The following CHD1L variants were observed in gnomAD, a reference collection of about 807,000 sequenced individuals.
The protein encoded by CHD1L is ATP-dependent chromatin remodeler CHD1L.
CHD1L carries 118 observed loss-of-function variants against 115.9 expected under a neutral mutation model. That is an observed-to-expected ratio of 1.02 (90% CI 0.88 to 1.19). CHD1L has a LOEUF of 1.19. CHD1L is among the 50% of genes most tolerant of loss of function. CHD1L has a pLI of 0.00. For missense variants in CHD1L, 1,179 were observed against 1,065.3 expected, an observed-to-expected ratio of 1.11 and a Z score of -1.49; for synonymous variants, 411 against 387.1, an observed-to-expected ratio of 1.06 and a Z score of -0.72.
At chr1:147,247,708 A>G (rs1553934441) in intron 1 of CHD1L, among the ~76,000 whole-genome samples, 1 of 152,166 alleles carries the variant, frequency 6.6e-6, no homozygotes, top group Non-Finnish European at 1.5e-5. Context: ...CTTGAAAACA[A>G]TGTGTATTCT....
At chr1:147,265,573 G>C (rs1673563482) in intron 7 of CHD1L, among the ~76,000 whole-genome samples, 1 of 152,140 alleles carries the variant, frequency 6.6e-6, no homozygotes, top group South Asian at 2.1e-4. Context: ...CCTAATTTCT[G>C]AGCCTCACTT....
At chr1:147,201,418 T>C in the CHD1L span, 1 of 1,614,160 alleles carries the variant, frequency 6.2e-7, no homozygotes. Flanking sequence ...CTCCGTGAAT[T>C]CCTTCACATT....
At chr1:147,271,930 G>A (rs1676402448) in intron 11 of CHD1L, among the ~76,000 whole-genome samples, 1 of 152,184 alleles carries the variant, frequency 6.6e-6, no homozygotes, top group South Asian at 2.1e-4. Context: ...CTTCATAAGT[G>A]CCAAAGACTT....
Position 147,242,743 on chromosome 1 carries a change from C to T in CHD1L, c.40C>T (p.Pro14Ser). The T allele has an allele frequency of 5.5e-6, 7 of 1,262,814 alleles. No homozygotes were observed. The highest frequency in any genetic ancestry group is 7.0e-6 in the Non-Finnish European group (7 of 997,560). 78.2% of individuals were successfully genotyped at this position (1,262,814 alleles called of 1,614,324 possible). ...AGATSRGGQA[P>S]GFLLRLHTEG... Reference sequence around the variant, plus strand: ...CGCTACTAGCCGCGGGGGCCAAGCCCCTGGCTTCTTACTGCGGCTTCATAC... The same window carrying T: ...CGCTACTAGCCGCGGGGGCCAAGCCTCTGGCTTCTTACTGCGGCTTCATAC... The change falls in exon 1 of 23, where the codon CCT (proline) becomes TCT (serine). Residue 14 changes from proline to serine, a missense_variant. Physicochemically the swap from Pro to Ser is moderately conservative, Grantham distance 74. Coordinates refer to ENST00000369258, the MANE Select transcript of CHD1L (RefSeq NM_004284.6).
In CHD1L at chr1:147,276,140, T is replaced by G; in HGVS notation, c.1422T>G (p.Thr474=). 1 of 1,614,150 alleles carries G rather than the reference T, an allele frequency of 6.2e-7. No homozygotes were observed. Among genetic ancestry groups the G allele is most frequent in the Non-Finnish European group, 8.5e-7 (1 of 1,180,006 alleles). ...VKVIRLIGRD[T]VEEIVYRKAA... ...TTATTCGGCTGATTGGTCGAGACAC[T>G]GTGGAAGAAATAGTCTATAGGAAAG... Residue 474 remains threonine (T), a synonymous_variant, in exon 14 of 23, where the codon ACT becomes ACG. Transcript: ENST00000369258.
chr1:147,237,411 C>T, the CHD1L span, among the ~76,000 whole-genome samples: 5 of 152,094 alleles, frequency 3.3e-5, no homozygotes, highest in Non-Finnish European at 7.4e-5. Context: ...ATGACTCAGG[C>T]AGCTGCAGCT....
intron 18 of CHD1L, 103 bp from the exon 19 acceptor site, chr1:147,287,532 A>G (rs1294711487): frequency 4.7e-5 from 36 of 757,930 alleles, no homozygotes; most frequent in Non-Finnish European, 6.8e-5. Context: ...CTTCCCTTTG[A>G]AAAATCATTC....
At chr1:147,259,806 C>T (rs1553942643) in intron 5 of CHD1L, 31 bp from the exon 6 acceptor site, 1 of 1,579,908 alleles carries the variant, frequency 6.3e-7, no homozygotes. Context: ...TTAAATTACA[C>T]AAAACTGAAA....
In CHD1L at chr1:147,242,768, C is replaced by A; in HGVS notation, c.65C>A (p.Thr22Asn). The A allele has an allele frequency of 1.6e-6, 2 of 1,269,538 alleles. No homozygotes were observed. The highest frequency in any genetic ancestry group is 2.0e-6 in the Non-Finnish European group (2 of 1,000,480). 78.6% of individuals were successfully genotyped at this position (1,269,538 alleles called of 1,614,324 possible). Residue 22 changes from threonine (T) to asparagine (N), a missense_variant, in exon 1 of 23, where the codon ACT becomes AAT. By Grantham distance (65) the Thr-to-Asn change is moderately conservative. Coordinates refer to ENST00000369258, the MANE Select transcript of CHD1L (RefSeq NM_004284.6). Reference protein sequence around the residue: ...QAPGFLLRLHTEGRAEAARVQ... With the variant: ...QAPGFLLRLHNEGRAEAARVQ... ...CCTGGCTTCTTACTGCGGCTTCATA[C>A]TGAGGGCCGAGCCGAGGCGGCGCGG...
chr1:147,232,952 G>C, the CHD1L span, among the ~76,000 whole-genome samples: 1 of 152,052 alleles, frequency 6.6e-6, no homozygotes, highest in African/African-American at 2.4e-5. Flanking sequence ...ATCTCTGCCT[G>C]GCCACCCATC....
chr1:147,189,804 A>G, the CHD1L span, among the ~76,000 whole-genome samples: 1 of 152,146 alleles, frequency 6.6e-6, no homozygotes. Flanking sequence ...TAATTCACCC[A>G]TAGCTACCTC....
the CHD1L span, chr1:147,225,246 A>G: frequency 1.5e-6 from 2 of 1,315,530 alleles, no homozygotes; most frequent in Admixed American, 2.9e-5. Flanking sequence ...CGCCTGCAAG[A>G]CCCAGAGCTG....
chr1:147,179,030 C>T, the CHD1L span: 1 of 1,613,590 alleles, frequency 6.2e-7, no homozygotes, highest in South Asian at 1.1e-5. Context: ...AGCCGCAAAA[C>T]CTTTAGCCAT....
At chr1:147,236,693 A>G in the CHD1L span, among the ~76,000 whole-genome samples, 3 of 152,062 alleles carry the variant, frequency 2.0e-5, no homozygotes, top group Admixed American at 6.5e-5. Flanking sequence ...GCAGGTCATC[A>G]TTGTCAACTC....
the CHD1L span, chr1:147,187,051 G>A: frequency 2.5e-6 from 4 of 1,614,098 alleles, no homozygotes; most frequent in Non-Finnish European, 3.4e-6. Context: ...AGCTTTTCGA[G>A]CCCCATCCCA....
chr1:147,197,495 C>T, the CHD1L span, among the ~76,000 whole-genome samples: 1 of 152,078 alleles, frequency 6.6e-6, no homozygotes, highest in Non-Finnish European at 1.5e-5. Flanking sequence ...TGGGAGGGGC[C>T]TGGTGGGAGG....
At chr1:147,294,306 G>T in intron 21 of CHD1L, 103 bp from the exon 22 acceptor site, 4 of 643,328 alleles carry the variant, frequency 6.2e-6, no homozygotes, top group South Asian at 3.5e-5. Context: ...TATAATTATG[G>T]GCTTTGAGGG....
chr1:147,212,886 A>G, the CHD1L span, among the ~76,000 whole-genome samples: 1 of 152,056 alleles, frequency 6.6e-6, no homozygotes, highest in South Asian at 2.1e-4. Context: ...ATATATTCTT[A>G]TATACTTTAG....
At position 147,285,380 on chromosome 1, in the gene CHD1L, A is replaced by G. The variant is rs782668929; in HGVS notation, c.1911A>G (p.Pro637=). Residue 637 remains proline (P), a synonymous_variant, in exon 17 of 23, where the codon CCA becomes CCG. Transcript: ENST00000369258. The part of the protein sequence containing the change: ...GSTKRKRVLS[P]EELEDRQKKR... ...CCAAAAGGAAGCGGGTTCTGAGTCC[A>G]GAAGAGCTGGAGGACAGACAGAAGA... 3.7e-6 allele frequency: 6 copies of G among 1,613,942 alleles called. No homozygotes were observed. The highest frequency in any genetic ancestry group is 2.7e-5 in the African/African-American group (2 of 74,926).
Sources: gnomAD v4.1 joint callset for allele counts (sites outside exome capture counted in the v4.1 genomes callset) on GRCh38, gnomAD v4.1.1 for gene constraint, MANE v1.5 for transcripts, NCBI Gene and HGNC (gene_info 2026-07-23, HGNC 2026-07-21) for gene names.